The following SLC35F1 variants were observed in gnomAD, a reference collection of about 807,000 sequenced individuals.
SLC35F1 encodes the protein solute carrier family 35 member F1.
In SLC35F1, 14 loss-of-function variants were observed where a neutral mutation model predicts 48.7. The ratio of observed to expected loss-of-function variants is 0.29; its 90% CI spans 0.19 to 0.45. SLC35F1 has a LOEUF of 0.45. Among genes scored for constraint, SLC35F1 ranks in the 20% least tolerant of loss-of-function variants. The pLI, the probability that SLC35F1 is intolerant of heterozygous loss-of-function variation, is 1.00. For synonymous variants in SLC35F1, 190 were observed against 202.2 expected (o/e 0.94, Z 0.51); for missense variants, 404 against 500.0 (o/e 0.81, Z 1.83).
intron 1 of SLC35F1, among the ~76,000 whole-genome samples, chr6:117,942,159 C>T (rs1226340306): frequency 6.6e-6 from 1 of 152,176 alleles, no homozygotes; most frequent in Non-Finnish European, 1.5e-5. Context: ...ACCTCAGTCA[C>T]TTGTTTAAGA....
In SLC35F1 at chr6:117,958,760, C is replaced by T. The variant is rs1776458478; in HGVS notation, c.173+50861C>T. ...GAGGAAATTGCCCAGTGATACATTT[C>T]CCAGAGTGTTTCCTCATTGTTAAGC... On this transcript the variant is annotated intron_variant, in intron 1 of 7. Transcript: ENST00000360388. Among the ~76,000 whole-genome samples the T allele has an allele frequency of 2.0e-5, 3 of 152,174 alleles. No individual in the cohort carries two copies. In the South Asian group the frequency reaches 6.2e-4, roughly 32 times the overall value.
In SLC35F1 at chr6:118,256,520, AG is replaced by A. The variant is rs1372588101; in HGVS notation, c.478-10474del. On this transcript the variant is annotated intron_variant, in intron 3 of 7. Coordinates refer to ENST00000360388, the MANE Select transcript of SLC35F1 (RefSeq NM_001029858.4). ...ATGAGGATCTGAAGACTGGCAGAGGAGTCTCTTTTGGGCACAGACCATTAGA... is the reference window on the plus strand; with the variant it reads ...ATGAGGATCTGAAGACTGGCAGAGGATCTCTTTTGGGCACAGACCATTAGA... 2.8e-4 allele frequency among the ~76,000 whole-genome samples: 42 copies of A among 152,260 alleles called. 1 individual carries two copies. Among genetic ancestry groups the A allele is most frequent in the Non-Finnish European group, 2.9e-5 (2 of 68,020 alleles).
At chr6:118,213,948 A>G (rs455338) in intron 2 of SLC35F1, among the ~76,000 whole-genome samples, 1 of 152,164 alleles carries the variant, frequency 6.6e-6, no homozygotes, top group Non-Finnish European at 1.5e-5. Flanking sequence ...TTAATTTTAC[A>G]TTGTTCTTTA....
At chr6:118,002,614 T>G (rs1323303482) in intron 1 of SLC35F1, among the ~76,000 whole-genome samples, 2 of 151,788 alleles carry the variant, frequency 1.3e-5, no homozygotes, top group African/African-American at 2.4e-5. Flanking sequence ...AATAATAAAA[T>G]TTAAAAAAAG....
chr6:117,979,144 G>A (rs1179614088), intron 1 of SLC35F1, among the ~76,000 whole-genome samples: 1 of 152,234 alleles, frequency 6.6e-6, no homozygotes, highest in African/African-American at 2.4e-5. Context: ...GGTCAGTTTA[G>A]ATGGAAAGCT....
intron 1 of SLC35F1, chr6:117,998,955 C>CCGCG: frequency 2.2e-6 from 2 of 916,138 alleles, no homozygotes; most frequent in Admixed American, 3.4e-5. Flanking sequence ...ACTTCGGGAG[C>CCGCG]CGCGGCTTAT....
chr6:118,224,070 AGGAAAAT>A (rs1775185181), intron 2 of SLC35F1, among the ~76,000 whole-genome samples: 1 of 152,248 alleles, frequency 6.6e-6, no homozygotes, highest in Non-Finnish European at 1.5e-5. Flanking sequence ...GATTAAGGAA[AGGAAAAT>A]AGTCTTGTCA....
At chr6:117,935,995 AC>A (rs1273952044) in intron 1 of SLC35F1, among the ~76,000 whole-genome samples, 1 of 152,218 alleles carries the variant, frequency 6.6e-6, no homozygotes, top group African/African-American at 2.4e-5. Context: ...GTATGTTTGA[AC>A]AAAAAGATGT....
intron 1 of SLC35F1, among the ~76,000 whole-genome samples, chr6:118,072,802 T>G (rs1044282429): frequency 4.6e-5 from 7 of 152,170 alleles, no homozygotes; most frequent in African/African-American, 1.7e-4. Flanking sequence ...GTTCACTGAT[T>G]CATTGAAAAC....
chr6:118,049,601 A>G (rs1207009424), intron 1 of SLC35F1, among the ~76,000 whole-genome samples: 3 of 151,222 alleles, frequency 2.0e-5, no homozygotes, highest in Admixed American at 6.6e-5. Context: ...GCAGCCAAAA[A>G]ACACATGAAA....
intron 2 of SLC35F1, among the ~76,000 whole-genome samples, chr6:118,191,320 A>G (rs73766462): frequency 0.024 from 3,596 of 152,324 alleles, 150 homozygotes; most frequent in African/African-American, 0.082. Flanking sequence ...AGTGGGATAC[A>G]AAAGTATCCC....
chr6:118,108,935 TC>T (rs1206881217), intron 1 of SLC35F1, among the ~76,000 whole-genome samples: 3 of 152,206 alleles, frequency 2.0e-5, no homozygotes, highest in Admixed American at 6.5e-5. Flanking sequence ...TCTAAAGTCC[TC>T]TATGCCTGTG....
chr6:117,981,588 T>C (rs1452492042), intron 1 of SLC35F1, among the ~76,000 whole-genome samples: 1 of 152,152 alleles, frequency 6.6e-6, no homozygotes. Flanking sequence ...TATGGTTCTA[T>C]TCCCAAGCAT....
intron 3 of SLC35F1, among the ~76,000 whole-genome samples, chr6:118,239,949 C>G (rs758991656): frequency 6.6e-5 from 10 of 152,140 alleles, no homozygotes; most frequent in Non-Finnish European, 1.5e-4. Flanking sequence ...GTTTATAGTG[C>G]TGTTTAGTAA....
intron 2 of SLC35F1, among the ~76,000 whole-genome samples, chr6:118,211,382 C>A (rs540931636): frequency 2.0e-5 from 3 of 152,134 alleles, no homozygotes; most frequent in African/African-American, 7.2e-5. Context: ...TAAGGTCTTA[C>A]GCAAAAAACC....
chr6:118,186,439 G>A (rs1691063248), intron 2 of SLC35F1, among the ~76,000 whole-genome samples: 2 of 150,806 alleles, frequency 1.3e-5, no homozygotes, highest in Admixed American at 6.6e-5. Flanking sequence ...TTTACTTCAG[G>A]TTCCTTTATT....
rs115854910 is a variant in SLC35F1 at position 118,228,839 on chromosome 6, C to T, written c.350-6670C>T. Among the ~76,000 whole-genome samples the T allele has an allele frequency of 5.8e-3, 875 of 152,160 alleles. 11 individuals are homozygous for T. Among genetic ancestry groups the T allele is most frequent in the African/African-American group, 0.02 (838 of 41,486 alleles). On this transcript the variant is annotated intron_variant, in intron 2 of 7. Transcript: ENST00000360388. ...CTGTGCAGGAGCATCACTCTTGCTGCAGACTGTGAAATGTGTGCTGAGTTT... is the reference window on the plus strand; with the variant it reads ...CTGTGCAGGAGCATCACTCTTGCTGTAGACTGTGAAATGTGTGCTGAGTTT...
At chr6:118,197,281 T>G (rs1324562749) in intron 2 of SLC35F1, among the ~76,000 whole-genome samples, 4 of 152,154 alleles carry the variant, frequency 2.6e-5, no homozygotes, top group Non-Finnish European at 5.9e-5. Context: ...TCTTTTTTTG[T>G]CTTTAGATAA....
chr6:118,128,965 A>T (rs867477953), intron 1 of SLC35F1, among the ~76,000 whole-genome samples: 5 of 152,172 alleles, frequency 3.3e-5, no homozygotes, highest in African/African-American at 1.2e-4. Flanking sequence ...ATATCTACTC[A>T]ACACATTTGT....
Sources: allele counts gnomAD v4.1 joint callset (sites outside exome capture counted in the v4.1 genomes callset), GRCh38; gene constraint gnomAD v4.1.1; transcripts MANE v1.5; gene names NCBI Gene and HGNC (gene_info 2026-07-23, HGNC 2026-07-21).